Variants in SLC26A8 observed in about 807,000 individuals in gnomAD.
SLC26A8 encodes the protein solute carrier family 26 member 8, also known as testis anion transporter 1.
In SLC26A8, 70 loss-of-function variants were observed where a neutral mutation model predicts 105.0. The observed-to-expected ratio is 0.67, with a 90% confidence interval of 0.55 to 0.81. SLC26A8 has a LOEUF of 0.81. Ranked by LOEUF, SLC26A8 falls within the 40% of genes least tolerant of loss-of-function variation. The pLI is 0.00. For synonymous variants in SLC26A8, 415 were observed against 438.3 expected, an observed-to-expected ratio of 0.95 and a Z score of 0.66; for missense variants, 998 against 1,181.8, an observed-to-expected ratio of 0.84 and a Z score of 2.28.
At chr6:35,994,081 C>G (rs1037654979) in intron 5 of SLC26A8, among the ~76,000 whole-genome samples, 12 of 150,850 alleles carry the variant, frequency 8.0e-5, no homozygotes, top group African/African-American at 2.7e-4. Flanking sequence ...AGCTTTCAAT[C>G]AGCCCGGCAC....
chr6:35,971,938 G>C (rs1486204054), intron 10 of SLC26A8, among the ~76,000 whole-genome samples: 3 of 152,154 alleles, frequency 2.0e-5, no homozygotes, highest in Non-Finnish European at 4.4e-5. Flanking sequence ...AAGATGGAGT[G>C]GGGGACAGCC....
chr6:35,944,881 G>C (rs931719755), intron 19 of SLC26A8, among the ~76,000 whole-genome samples: 1 of 152,072 alleles, frequency 6.6e-6, no homozygotes, highest in Non-Finnish European at 1.5e-5. Flanking sequence ...ACAGAGTCTT[G>C]CTCTGTTGCC....
chr6:35,959,845 T>C (rs1226790424), intron 14 of SLC26A8, 39 bp from the exon 15 acceptor site: 1 of 1,415,012 alleles, frequency 7.1e-7, no homozygotes, highest in Non-Finnish European at 9.9e-7. Context: ...AATTTCTCAG[T>C]TATTTTATGG....
chr6:35,963,153 C>T (rs964108791), intron 11 of SLC26A8, among the ~76,000 whole-genome samples: 2 of 152,124 alleles, frequency 1.3e-5, no homozygotes, highest in African/African-American at 4.8e-5. Flanking sequence ...AAATCACCTC[C>T]TTACCATTGA....
intron 19 of SLC26A8, 29 bp downstream of exon 19, chr6:35,951,134 C>T: frequency 6.2e-7 from 1 of 1,607,320 alleles, no homozygotes; most frequent in Non-Finnish European, 8.5e-7. Context: ...TCCCTTCCCC[C>T]AACCTCATGC....
At chr6:35,944,730 C>T (rs1370353593) in intron 19 of SLC26A8, among the ~76,000 whole-genome samples, 1 of 151,708 alleles carries the variant, frequency 6.6e-6, no homozygotes, top group East Asian at 1.9e-4. Context: ...ACAAAAAAAC[C>T]CAGAATTTTA....
intron 6 of SLC26A8, 95 bp from the exon 7 acceptor site, chr6:35,991,903 C>T: frequency 8.0e-7 from 1 of 1,252,012 alleles, no homozygotes; most frequent in African/African-American, 1.5e-5. Context: ...AAAGAAGTCC[C>T]CAAGTAGAGT....
chr6:35,977,250 C>T lies in SLC26A8; in HGVS notation c.1127G>A (p.Gly376Asp), dbSNP rs151057676. The part of the protein sequence containing the change: ...LVSSFLLIFL[G>D]KKIASLHNYS... The stretch of plus-strand genomic sequence containing the variant: ...ATTGTGAAGACTGGCAATCTTCTTG[C>T]CCAGAAATATGAGCAGAAAGGAGCT... The change falls in exon 9 of 20, where the codon GGC becomes GAC. Residue 376 changes from glycine (G) to aspartate (D), a missense_variant. Gly to Asp is a moderately conservative substitution (Grantham distance 94). Coordinates refer to ENST00000490799, the MANE Select transcript of SLC26A8 (RefSeq NM_052961.4). 4 of 1,613,706 alleles carry T rather than the reference C, an allele frequency of 2.5e-6. No individual in the cohort carries two copies. The African/African-American group carries it at 5.3e-5, about 22-fold the overall frequency.
In SLC26A8 at chr6:35,955,394, T is replaced by G. The variant is rs1434239129; in HGVS notation, c.1990A>C (p.Thr664Pro). 2 of 1,614,198 alleles carry G rather than the reference T, an allele frequency of 1.2e-6. No individual in the cohort carries two copies. The highest frequency in any genetic ancestry group is 2.2e-5 in the South Asian group (2 of 91,086). Residue 664 changes from threonine (T) to proline (P), a missense_variant, in exon 17 of 20, where the codon ACA becomes CCA. Coordinates refer to ENST00000490799, the MANE Select transcript of SLC26A8 (RefSeq NM_052961.4). ...TTTTTCTGAGACACGGACGATACTG[T>G]GTATGGCACTTGGTCTTCGGATGCA... ...QTASEDQVPY[T>P]VSSVSQKNQG...
rs937625114 is a variant in SLC26A8 at position 36,000,067 on chromosome 6, G to A, written c.370C>T (p.Leu124Phe). 6.2e-7 allele frequency: 1 copy of A among 1,614,104 alleles called. No homozygotes were observed. Among genetic ancestry groups the A allele is most frequent in the Middle Eastern group, 1.7e-4 (1 of 6,060 alleles). ...SLLARQLIPP[L>F]NIAYAAFCSS... ...CAGAAAGCTGCATAAGCGATGTTGA[G>A]AGGAGGAATCAGTTGCCTTGCCAGC... Residue 124 changes from leucine to phenylalanine, a missense_variant, in exon 4 of 20, where the codon CTC (leucine) becomes TTC (phenylalanine). Transcript: ENST00000490799.
At chr6:36,019,806 T>C in intron 1 of SLC26A8, 97 bp from the exon 2 acceptor site, 2 of 1,147,792 alleles carry the variant, frequency 1.7e-6, no homozygotes, top group Non-Finnish European at 2.4e-6. Flanking sequence ...TAATAATGTT[T>C]TACACTTGCA....
In SLC26A8 at chr6:35,959,576, C is replaced by A. The variant is rs770148950; in HGVS notation, c.1747G>T (p.Val583Leu). ...KLLKEVDMVK[V>L]PLKEEEIFSL... is the part of the protein sequence containing the mutation. ...AAAATTTCTTCTTCTTTAAGAGGCA[C>A]CTTTACCATATCAACCTGAAAGACA... Residue 583 changes from valine (V) to leucine (L), a missense_variant, in exon 16 of 20, where the codon GTG becomes TTG. Physicochemically the swap from Val to Leu is conservative, Grantham distance 32. Coordinates refer to ENST00000490799, the MANE Select transcript of SLC26A8 (RefSeq NM_052961.4). 3.1e-6 allele frequency: 5 copies of A among 1,613,160 alleles called. No individual in the cohort carries two copies. Among genetic ancestry groups the A allele is most frequent in the African/African-American group, 1.3e-5 (1 of 74,808 alleles).
At chr6:35,979,930 A>C (rs1374000975) in intron 8 of SLC26A8, among the ~76,000 whole-genome samples, 31 of 152,210 alleles carry the variant, frequency 2.0e-4, no homozygotes, top group Non-Finnish European at 7.3e-5. Flanking sequence ...GTAACTTTGA[A>C]TCTTATAAGA....
intron 8 of SLC26A8, among the ~76,000 whole-genome samples, chr6:35,980,839 C>T (rs1231103452): frequency 6.6e-6 from 1 of 151,968 alleles, no homozygotes; most frequent in Non-Finnish European, 1.5e-5. Context: ...ATGGTGAAAC[C>T]CTGTCTCTAC....
At chr6:35,999,555 T>C (rs1484314898) in intron 4 of SLC26A8, among the ~76,000 whole-genome samples, 1 of 152,182 alleles carries the variant, frequency 6.6e-6, no homozygotes. Context: ...TGGATGTCAG[T>C]GTTTTGATTA....
intron 17 of SLC26A8, 94 bp downstream of exon 17, chr6:35,955,058 G>T: frequency 6.7e-7 from 1 of 1,488,766 alleles, no homozygotes; most frequent in Non-Finnish European, 9.3e-7. Context: ...CATAGCAGCT[G>T]ATCAGTGACT....
chr6:35,985,385 T>C (rs190233269), intron 7 of SLC26A8, among the ~76,000 whole-genome samples: 95 of 152,190 alleles, frequency 6.2e-4, no homozygotes, highest in African/African-American at 2.0e-3. Context: ...ATCACTATGA[T>C]CCTTGGTGCT....
intron 8 of SLC26A8, among the ~76,000 whole-genome samples, chr6:35,979,817 C>T (rs1773200694): frequency 6.6e-6 from 1 of 152,136 alleles, no homozygotes; most frequent in Admixed American, 6.6e-5. Context: ...CTTAAATTGT[C>T]CAATCTTACT....
At position 35,961,055 on chromosome 6, in the gene SLC26A8, C is replaced by T. The variant is rs2127299621; in HGVS notation, c.1506G>A (p.Leu502=). 6.2e-7 allele frequency: 1 copy of T among 1,614,124 alleles called. No individual in the cohort carries two copies. Among genetic ancestry groups the T allele is most frequent in the Non-Finnish European group, 8.5e-7 (1 of 1,180,032 alleles). The change falls in exon 13 of 20, where the codon CTG becomes CTA. Residue 502 remains leucine, a synonymous_variant. Transcript: ENST00000490799. The part of the protein sequence containing the change: ...MTFSSSIFLG[L]DIGLIISVVS... ...CTACTGAGATAATTAGTCCAATGTC[C>T]AGTCCCAGGAAAATTGAAGATGAGA...
Sources: allele counts gnomAD v4.1 joint callset (sites outside exome capture counted in the v4.1 genomes callset), GRCh38; gene constraint gnomAD v4.1.1; transcripts MANE v1.5; gene names NCBI Gene and HGNC (gene_info 2026-07-23, HGNC 2026-07-21).